Variants in GABBR2 observed in about 807,000 individuals in gnomAD.
GABBR2 encodes the protein gamma-aminobutyric acid type B receptor subunit 2, also known as G-protein coupled receptor 51.
Under a neutral mutation model 105.6 loss-of-function variants are expected in GABBR2, and 23 were observed. That is an observed-to-expected ratio of 0.22 (90% CI 0.16 to 0.31). The LOEUF is 0.31. Ranked by LOEUF, GABBR2 falls within the 10% of genes least tolerant of loss-of-function variation. The probability of loss-of-function intolerance (pLI) is 1.00; values close to 1 mark genes in which losing one functional copy is unlikely to be tolerated. For synonymous variants in GABBR2, 478 were observed against 499.7 expected (o/e 0.96, Z 0.58); for missense variants, 734 against 1,245.5 (o/e 0.59, Z 6.18).
intron 8 of GABBR2, among the ~76,000 whole-genome samples, chr9:98,395,546 C>A (rs1265616574): frequency 1.3e-5 from 2 of 151,768 alleles, no homozygotes; most frequent in African/African-American, 2.4e-5. Context: ...GGAGCCCTGA[C>A]CCCTGGGGTG....
chr9:98,464,459 C>A (rs1471787078), intron 6 of GABBR2, among the ~76,000 whole-genome samples: 2 of 146,824 alleles, frequency 1.4e-5, no homozygotes, highest in Admixed American at 1.4e-4. Flanking sequence ...AACTGAGGAG[C>A]GCCTCTGCCT....
chr9:98,366,403 T>C (rs1304001375), intron 12 of GABBR2, among the ~76,000 whole-genome samples: 1 of 152,194 alleles, frequency 6.6e-6, no homozygotes, highest in African/African-American at 2.4e-5. Context: ...TTTACCATAC[T>C]CATTTAAATG....
At chr9:98,395,559 C>T (rs1156310214) in intron 8 of GABBR2, among the ~76,000 whole-genome samples, 1 of 151,828 alleles carries the variant, frequency 6.6e-6, no homozygotes, top group Non-Finnish European at 1.5e-5. Flanking sequence ...CTGGGGTGGG[C>T]AGAGCAGAGA....
chr9:98,297,700 G>A (rs1431743825), intron 17 of GABBR2, among the ~76,000 whole-genome samples: 2 of 150,914 alleles, frequency 1.3e-5, no homozygotes, highest in Non-Finnish European at 2.9e-5. Flanking sequence ...CATGCTAATG[G>A]AAAAATCCAA....
At position 98,364,141 on chromosome 9, in the gene GABBR2, G is replaced by A. The variant is rs78412793; in HGVS notation, c.1771-1304C>T. Among the ~76,000 whole-genome samples the A allele has an allele frequency of 1.6e-4, 25 of 152,316 alleles. No homozygotes were observed. In the East Asian group the frequency reaches 4.6e-3, roughly 28 times the overall value. On this transcript the variant is annotated intron_variant, in intron 12 of 18. Transcript: ENST00000259455. ...TCCAGCAAAACCGCTGTACCTGGGG[G>A]CAGGGCACCGGCAAAGCCCGCTCTG...
intron 13 of GABBR2, among the ~76,000 whole-genome samples, chr9:98,331,112 T>C (rs1169044634): frequency 1.3e-5 from 2 of 152,244 alleles, no homozygotes; most frequent in Non-Finnish European, 2.9e-5. Context: ...AATATTTCCC[T>C]GTATGGATAG....
chr9:98,436,337 C>A lies in GABBR2; in HGVS notation c.1236+17644G>T, dbSNP rs1825909119. ...TATACCATATATATATATATACACA[C>A]ACACACACACCATATATATATATAT... On this transcript the variant is annotated intron_variant, in intron 7 of 18. Coordinates refer to ENST00000259455, the MANE Select transcript of GABBR2 (RefSeq NM_005458.8). Among the ~76,000 whole-genome samples the A allele has an allele frequency of 5.8e-5, 4 of 68,998 alleles. 1 individual carries two copies. The East Asian group carries it at 3.5e-3, about 60-fold the overall frequency. The allele number at this position is 68,998 out of a possible 152,430, so 45.3% of individuals were successfully genotyped here.
At chr9:98,311,257 C>T (rs372067693) in intron 13 of GABBR2, 52 bp from the exon 14 acceptor site, 75 of 1,116,768 alleles carry the variant, frequency 6.7e-5, no homozygotes, top group Non-Finnish European at 9.8e-5. Context: ...ACTCTTCCAG[C>T]AACTGGGTCC....
chr9:98,359,673 C>T (rs497337), intron 13 of GABBR2, among the ~76,000 whole-genome samples: 32,452 of 151,992 alleles, frequency 0.21, 3,847 homozygotes, highest in African/African-American at 0.31. Context: ...TACGGTTATT[C>T]GTCTGCAGGT....
chr9:98,607,803 T>C, intron 1 of GABBR2: 1 of 829,224 alleles, frequency 1.2e-6, no homozygotes, highest in Non-Finnish European at 2.1e-6. Context: ...ACAACAAGAA[T>C]AAAGGGCAGC....
intron 11 of GABBR2, among the ~76,000 whole-genome samples, chr9:98,380,691 G>C (rs1588131308): frequency 6.6e-6 from 1 of 152,338 alleles, no homozygotes; most frequent in South Asian, 2.1e-4. Context: ...TGACAGTCTG[G>C]GAAGATTCTG....
At chr9:98,531,242 G>A (rs1410921361) in intron 3 of GABBR2, among the ~76,000 whole-genome samples, 2 of 152,162 alleles carry the variant, frequency 1.3e-5, no homozygotes, top group Non-Finnish European at 2.9e-5. Context: ...AGTCACCCTA[G>A]CCTCTCTGAG....
intron 9 of GABBR2, among the ~76,000 whole-genome samples, chr9:98,393,063 CATCCATCCACA>C (rs1832216648): frequency 1.3e-5 from 2 of 148,492 alleles, no homozygotes; most frequent in South Asian, 2.2e-4. Context: ...TCCATCCATC[CATCCATCCACA>C]CACCCACTCA....
intron 1 of GABBR2, among the ~76,000 whole-genome samples, chr9:98,599,842 AGGG>A (rs1164693210): frequency 4.6e-5 from 7 of 152,206 alleles, no homozygotes; most frequent in African/African-American, 1.7e-4. Context: ...TAGGAATGCC[AGGG>A]AGAGATGGGG....
intron 3 of GABBR2, among the ~76,000 whole-genome samples, chr9:98,507,879 C>G (rs1827544719): frequency 6.6e-6 from 1 of 152,182 alleles, no homozygotes; most frequent in South Asian, 2.1e-4. Flanking sequence ...AAGCACCTTT[C>G]TTGGATAATG....
intron 3 of GABBR2, 111 bp downstream of exon 3, chr9:98,541,762 C>A: frequency 1.1e-6 from 1 of 938,154 alleles, no homozygotes; most frequent in Non-Finnish European, 1.6e-6. Flanking sequence ...CTAACCAACA[C>A]ATGCTTAAAA....
At chr9:98,294,637 C>T (rs898698219) in intron 17 of GABBR2, among the ~76,000 whole-genome samples, 1 of 152,018 alleles carries the variant, frequency 6.6e-6, no homozygotes, top group South Asian at 2.1e-4. Context: ...CCACCATGCC[C>T]AGCTAATTTT....
chr9:98,702,723 T>G (rs1830846898), intron 1 of GABBR2, among the ~76,000 whole-genome samples: 2 of 152,240 alleles, frequency 1.3e-5, no homozygotes, highest in South Asian at 2.1e-4. Context: ...CTCTGTCAAC[T>G]TTATATTCAC....
At chr9:98,617,598 C>T (rs1395635927) in intron 1 of GABBR2, among the ~76,000 whole-genome samples, 2 of 152,158 alleles carry the variant, frequency 1.3e-5, no homozygotes, top group Non-Finnish European at 2.9e-5. Context: ...GAGATGGAAC[C>T]TCCTGCACAG....
Sources: allele counts gnomAD v4.1 joint callset (sites outside exome capture counted in the v4.1 genomes callset), GRCh38; gene constraint gnomAD v4.1.1; transcripts MANE v1.5; gene names NCBI Gene and HGNC (gene_info 2026-07-23, HGNC 2026-07-21).